The following MGAT5B variants were observed in gnomAD, a reference collection of about 807,000 sequenced individuals.
MGAT5B encodes the protein N-acetylglucosaminyl-transferase Vb.
Under a neutral mutation model 95.1 loss-of-function variants are expected in MGAT5B, and 54 were observed. The observed-to-expected ratio is 0.57, with a 90% CI of 0.46 to 0.71. The LOEUF is 0.71. Among genes scored for constraint, MGAT5B ranks in the 30% least tolerant of loss-of-function variants. The pLI is 0.00. For synonymous variants in MGAT5B, 464 were observed against 451.0 expected (o/e 1.03, Z -0.36); for missense variants, 935 against 1,088.6 (o/e 0.86, Z 1.99).
At position 76,905,896 on chromosome 17, in the gene MGAT5B, C is replaced by T; in HGVS notation, c.856-122C>T. The T allele has an allele frequency of 8.9e-7, 1 of 1,128,396 alleles. No individual in the cohort carries two copies. The highest frequency in any genetic ancestry group is 1.2e-6 in the Non-Finnish European group (1 of 810,988). 69.9% of individuals were successfully genotyped at this position (1,128,396 alleles called of 1,614,324 possible). A position where few individuals can be genotyped will look rare whatever the true frequency, so the allele number is the denominator to read the frequency against. The stretch of plus-strand genomic sequence containing the variant: ...TGGTCACTCTGGTGCCGGAAAGCAC[C>T]TGCTGGGGCCCAGCCTGGAGACAGG... On this transcript the variant is annotated intron_variant, in intron 7 of 17. Coordinates refer to ENST00000569840, the MANE Select transcript of MGAT5B (RefSeq NM_001199172.2). The surrounding 1 kb of genome is among the most constrained non-coding windows in gnomAD (Gnocchi z 4.2).
At chr17:76,882,067 TTGTC>T in intron 2 of MGAT5B, 80 bp from the exon 3 acceptor site, 1 of 1,457,412 alleles carries the variant, frequency 6.9e-7, no homozygotes, top group Non-Finnish European at 9.3e-7. Context: ...GGGGCCAGCT[TTGTC>T]TGAGCTGCCC....
At chr17:76,881,598 G>C (rs1400205850) in intron 2 of MGAT5B, among the ~76,000 whole-genome samples, 1 of 152,180 alleles carries the variant, frequency 6.6e-6, no homozygotes, top group African/African-American at 2.4e-5. Context: ...CCGGGCCCCG[G>C]GTCCTAGAGA....
At chr17:76,886,243 C>G (rs971540080) in intron 3 of MGAT5B, among the ~76,000 whole-genome samples, 1 of 152,096 alleles carries the variant, frequency 6.6e-6, no homozygotes, top group African/African-American at 2.4e-5. Context: ...AGAGTCTGGG[C>G]TGGAGGTTTG....
At chr17:76,945,321 A>G (rs958733284) in intron 15 of MGAT5B, among the ~76,000 whole-genome samples, 9 of 152,010 alleles carry the variant, frequency 5.9e-5, no homozygotes, top group African/African-American at 2.2e-4. Context: ...ACAAAGTCTC[A>G]CTCTGTTGCC....
chr17:76,931,114 G>A (rs984460262), intron 10 of MGAT5B, among the ~76,000 whole-genome samples: 3 of 152,140 alleles, frequency 2.0e-5, no homozygotes, highest in African/African-American at 7.2e-5. Flanking sequence ...TATTGTTTTT[G>A]GAGATGGAGT....
chr17:76,940,857 A>C lies in MGAT5B; in HGVS notation c.1848+9A>C, dbSNP rs1969843528. On this transcript the variant is annotated intron_variant, in intron 15 of 17. Coordinates refer to ENST00000569840, the MANE Select transcript of MGAT5B (RefSeq NM_001199172.2). This position sits in a 1 kb window ranked among gnomAD's most constrained non-coding sequence, Gnocchi z 4.3. ...CCATTATGAGAACTCAGGTGAGAGC[A>C]GCCACATACAGTTGAGACCCCCCAC... 6.2e-7 allele frequency: 1 copy of C among 1,604,074 alleles called. No homozygotes were observed. Among genetic ancestry groups the C allele is most frequent in the African/African-American group, 1.3e-5 (1 of 74,852 alleles).
chr17:76,947,777 C>A, intron 16 of MGAT5B, 53 bp from the exon 17 acceptor site: 3 of 1,497,674 alleles, frequency 2.0e-6, no homozygotes, highest in Non-Finnish European at 2.7e-6. Context: ...AGGTGTCTCC[C>A]AGGCACACCT....
intron 11 of MGAT5B, 120 bp from the exon 12 acceptor site, chr17:76,933,172 C>T (rs2145258259): frequency 1.7e-6 from 2 of 1,211,902 alleles, no homozygotes; most frequent in Non-Finnish European, 2.4e-6. Context: ...GAGATTAGAA[C>T]CCCATCTTCA....
At chr17:76,893,112 C>G (rs931289413) in intron 3 of MGAT5B, among the ~76,000 whole-genome samples, 1 of 152,108 alleles carries the variant, frequency 6.6e-6, no homozygotes, top group Non-Finnish European at 1.5e-5. Flanking sequence ...GTGTTCTTCC[C>G]TGTGGCCCTT....
chr17:76,927,523 A>C (rs2145244874), intron 10 of MGAT5B, among the ~76,000 whole-genome samples: 2 of 152,332 alleles, frequency 1.3e-5, no homozygotes, highest in South Asian at 4.1e-4. Context: ...TACAGGTGCA[A>C]GCCACCGTGC....
intron 3 of MGAT5B, among the ~76,000 whole-genome samples, chr17:76,897,660 ACTTTCTTT>A (rs772516557): frequency 0.019 from 1,278 of 69,060 alleles, 20 homozygotes; most frequent in Non-Finnish European, 0.026. Context: ...AAGTAAGGCC[ACTTTCTTT>A]CTTTCTTTCT....
chr17:76,886,087 A>G (rs1037278928), intron 3 of MGAT5B, among the ~76,000 whole-genome samples: 1 of 152,232 alleles, frequency 6.6e-6, no homozygotes, highest in Non-Finnish European at 1.5e-5. Context: ...AGAGAGGCAG[A>G]TTTGCTTCAA....
chr17:76,875,462 A>G (rs1003484154), intron 2 of MGAT5B, among the ~76,000 whole-genome samples: 2 of 152,082 alleles, frequency 1.3e-5, no homozygotes, highest in South Asian at 4.2e-4. Flanking sequence ...AAGTTTCCTG[A>G]GGCCTCCCCA....
intron 2 of MGAT5B, among the ~76,000 whole-genome samples, chr17:76,874,067 G>A (rs935116717): frequency 3.3e-5 from 5 of 152,102 alleles, no homozygotes; most frequent in Admixed American, 6.5e-5. Flanking sequence ...ACTTGCAAAA[G>A]CCCTCAGAAG....
At position 76,912,591 on chromosome 17, in the gene MGAT5B, G is replaced by A. The variant is rs1205520435; in HGVS notation, c.1025+6404G>A. On this transcript the variant is annotated intron_variant, in intron 8 of 17. Coordinates refer to ENST00000569840, the MANE Select transcript of MGAT5B (RefSeq NM_001199172.2). The surrounding 1 kb of genome is among the most constrained non-coding windows in gnomAD (Gnocchi z 5.0). The stretch of plus-strand genomic sequence containing the variant: ...GTCCTGGCCACTGATGGAGCAACAA[G>A]GCTGGACGGATGAGCCGGTCCCGCT... Among the ~76,000 whole-genome samples the A allele has an allele frequency of 6.6e-6, 1 of 152,102 alleles. No individual in the cohort carries two copies. Among genetic ancestry groups the A allele is most frequent in the Non-Finnish European group, 1.5e-5 (1 of 68,024 alleles).
At chr17:76,939,345 A>T (rs1239118646) in intron 13 of MGAT5B, among the ~76,000 whole-genome samples, 1 of 151,810 alleles carries the variant, frequency 6.6e-6, no homozygotes, top group Non-Finnish European at 1.5e-5. Context: ...TAAAATACAA[A>T]CAAACAAACA....
intron 4 of MGAT5B, among the ~76,000 whole-genome samples, 172 bp from the exon 5 acceptor site, chr17:76,903,131 C>T (rs954130350): frequency 6.6e-6 from 1 of 152,120 alleles, no homozygotes; most frequent in Non-Finnish European, 1.5e-5. Flanking sequence ...CTGAGGAGGC[C>T]GGGGGCAACC....
rs547158669 is a variant in MGAT5B, at chr17:76,875,653, C to CTTTTTTTTT, written c.181+2707_181+2715dup. On this transcript the variant is annotated intron_variant, in intron 2 of 17. Transcript: ENST00000569840. ...TTGTATGCGGTTGTAGTCACTTGCA[C>CTTTTTTTTT]TTTTTTTTTTTTTTTTTTTTTTTTT... Among the ~76,000 whole-genome samples the CTTTTTTTTT allele has an allele frequency of 8.6e-4, 58 of 67,096 alleles. 3 individuals are homozygous for CTTTTTTTTT. Among genetic ancestry groups the CTTTTTTTTT allele is most frequent in the East Asian group, 2.1e-3 (5 of 2,382 alleles). 44.0% of individuals were successfully genotyped at this position (67,096 alleles called of 152,430 possible).
Position 76,938,287 on chromosome 17 carries a change from C to T in MGAT5B, c.1584+144C>T, listed in dbSNP as rs1039105622. ...CTGCTGCCCTGAGCCCCACATCTGG[C>T]CAGAGCCCAGGGGCAGAGATGTGGG... On this transcript the variant is annotated intron_variant, in intron 13 of 17. Transcript: ENST00000569840. This position sits in a 1 kb window ranked among gnomAD's most constrained non-coding sequence, Gnocchi z 4.3. 6 of 1,153,138 alleles carry T rather than the reference C, an allele frequency of 5.2e-6. No homozygotes were observed. In the African/African-American group the frequency reaches 9.3e-5, roughly 18 times the overall value. 71.4% of individuals were successfully genotyped at this position (1,153,138 alleles called of 1,614,324 possible).
Sources: allele counts gnomAD v4.1 joint callset (sites outside exome capture counted in the v4.1 genomes callset), GRCh38; gene constraint gnomAD v4.1.1; non-coding constraint Gnocchi (gnomAD v3.1); transcripts MANE v1.5; gene names NCBI Gene and HGNC (gene_info 2026-07-23, HGNC 2026-07-21).